The following REXO5 variants were observed in gnomAD, a reference collection of about 807,000 sequenced individuals.
The protein encoded by REXO5 is exonuclease NEF-sp.
REXO5 carries 48 observed loss-of-function variants against 88.5 expected under a neutral mutation model. The observed-to-expected ratio is 0.54, with a 90% CI of 0.43 to 0.69. The LOEUF is 0.69. REXO5 is among the 30% of genes least tolerant of loss of function. The probability of loss-of-function intolerance (pLI) is 0.00; values close to 1 mark genes in which losing one functional copy is unlikely to be tolerated. For missense variants in REXO5, 749 were observed against 912.2 expected (o/e 0.82, Z 2.30); for synonymous variants, 311 against 336.5 (o/e 0.92, Z 0.83).
rs1010007228 is a variant in REXO5, at chr16:20,806,710, C to T, written c.-3+5C>T. On this transcript the variant is annotated splice_donor_5th_base_variant and intron_variant, in intron 1 of 19. Coordinates refer to ENST00000261377, the MANE Select transcript of REXO5 (RefSeq NM_030941.3). ...TGGGGAACCGTTGAGAATCCGGTAA[C>T]CGATGCGGACGGTAAAGCCGTTTGG... The T allele has an allele frequency of 4.9e-5, 49 of 991,972 alleles. No homozygotes were observed. Among genetic ancestry groups the T allele is most frequent in the Non-Finnish European group, 6.0e-5 (42 of 696,716 alleles). 61.4% of individuals were successfully genotyped at this position (991,972 alleles called of 1,614,324 possible). A position where few individuals can be genotyped will look rare whatever the true frequency, so the allele number is the denominator to read the frequency against.
In REXO5 at chr16:20,807,099, A is replaced by T; in HGVS notation, c.138+8A>T. ...AGTCAGCCCGAGGCCAAGGTGAGCA[A>T]CGGGGATCCCGAGCAGGCGGCCCTA... On this transcript the variant is annotated splice_region_variant and intron_variant, in intron 2 of 19. Coordinates refer to ENST00000261377, the MANE Select transcript of REXO5 (RefSeq NM_030941.3). The T allele has an allele frequency of 1.3e-6, 2 of 1,599,310 alleles. No homozygotes were observed. The highest frequency in any genetic ancestry group is 1.7e-6 in the Non-Finnish European group (2 of 1,174,058).
intron 5 of REXO5, among the ~76,000 whole-genome samples, chr16:20,820,545 T>TA (rs1491420198): frequency 6.5e-4 from 8 of 12,342 alleles, no homozygotes; most frequent in African/African-American, 1.8e-3. Flanking sequence ...TATATATATA[T>TA]TTTTTTTTTT....
In REXO5 at chr16:20,845,104, A is replaced by G. The variant is rs1390411262; in HGVS notation, c.1987A>G (p.Lys663Glu). The change falls in exon 18 of 20, where the codon AAG becomes GAG. Residue 663 changes from lysine (K) to glutamate (E), a missense_variant. Coordinates refer to ENST00000261377, the MANE Select transcript of REXO5 (RefSeq NM_030941.3). ...AQQALNILTG[K>E]DWKLKGRHAL... is the part of the protein sequence containing the mutation. The stretch of plus-strand genomic sequence containing the variant: ...GCAGGCCCTCAACATTCTCACAGGC[A>G]AGGACTGGAAGCTGAAAGGCAGGCA... The G allele has an allele frequency of 6.2e-7, 1 of 1,614,122 alleles. No individual in the cohort carries two copies. Among genetic ancestry groups the G allele is most frequent in the Non-Finnish European group, 8.5e-7 (1 of 1,180,012 alleles).
At chr16:20,822,908 G>A (rs891809891) in intron 6 of REXO5, among the ~76,000 whole-genome samples, 8 of 152,188 alleles carry the variant, frequency 5.3e-5, no homozygotes, top group African/African-American at 1.9e-4. Context: ...TATATACCTA[G>A]GAGTATAATT....
chr16:20,813,391 C>A, intron 3 of REXO5, 89 bp downstream of exon 3: 1 of 762,208 alleles, frequency 1.3e-6, no homozygotes, highest in Non-Finnish European at 2.1e-6. Flanking sequence ...ATCATTCAAA[C>A]CAGAGGTTTC....
intron 5 of REXO5, among the ~76,000 whole-genome samples, chr16:20,818,682 G>C (rs946217980): frequency 3.9e-5 from 6 of 152,182 alleles, no homozygotes; most frequent in African/African-American, 1.2e-4. Flanking sequence ...GTTTGGCCAG[G>C]CTGGTATTGA....
intron 15 of REXO5, 121 bp downstream of exon 15, chr16:20,840,589 G>GTCTCACACTCC: frequency 6.2e-6 from 5 of 811,708 alleles, no homozygotes; most frequent in Non-Finnish European, 9.4e-6. Context: ...ACTGGAGTGT[G>GTCTCACACTCC]AGACATACTC....
chr16:20,849,330 A>G (rs1323996418), intron 19 of REXO5, 69 bp from the exon 20 acceptor site: 3 of 1,431,864 alleles, frequency 2.1e-6, no homozygotes, highest in South Asian at 2.3e-5. Flanking sequence ...ATCTCCTCTA[A>G]CTAGGCATTT....
rs745554533 is a variant in REXO5 at position 20,839,769 on chromosome 16, C to A, written c.1398C>A (p.Ala466=). The A allele has an allele frequency of 6.2e-7, 1 of 1,613,696 alleles. No homozygotes were observed. Among genetic ancestry groups the A allele is most frequent in the Non-Finnish European group, 8.5e-7 (1 of 1,179,692 alleles). The stretch of plus-strand genomic sequence containing the variant: ...GTTCTCTACAGGTTCTTGAGCAGGC[C>A]AGAGTGGAAATCCCCCTGTTTCCCT... ...CLSNKEVLEQ[A]RVEIPLFPFS... Residue 466 remains alanine, a synonymous_variant, in exon 14 of 20, where the codon GCC becomes GCA. Coordinates refer to ENST00000261377, the MANE Select transcript of REXO5 (RefSeq NM_030941.3).
At chr16:20,833,410 G>C (rs2081376815) in intron 13 of REXO5, among the ~76,000 whole-genome samples, 1 of 152,144 alleles carries the variant, frequency 6.6e-6, no homozygotes, top group South Asian at 2.1e-4. Context: ...TCTTGGTTTT[G>C]AGCCTGGCTA....
At chr16:20,842,945 T>C (rs187100543) in intron 15 of REXO5, among the ~76,000 whole-genome samples, 52 of 152,342 alleles carry the variant, frequency 3.4e-4, no homozygotes, top group African/African-American at 1.2e-3. Flanking sequence ...GCTATACCAT[T>C]TTACATTCCT....
At position 20,815,081 on chromosome 16, in the gene REXO5, G is replaced by A. The variant is rs749542442; in HGVS notation, c.378+28G>A. 24 of 1,594,510 alleles carry A rather than the reference G, an allele frequency of 1.5e-5. No individual in the cohort carries two copies. The South Asian group carries it at 1.9e-4, about 13-fold the overall frequency. On this transcript the variant is annotated intron_variant, in intron 4 of 19. Transcript: ENST00000261377. Reference sequence around the variant, plus strand: ...AAGTTAAGAATACTTTGTACTAGGGGCTGAGTCTGTTTTCCCATTCTGAGA... The same window carrying A: ...AAGTTAAGAATACTTTGTACTAGGGACTGAGTCTGTTTTCCCATTCTGAGA...
At chr16:20,841,190 A>C (rs1057260706) in intron 15 of REXO5, among the ~76,000 whole-genome samples, 5 of 152,212 alleles carry the variant, frequency 3.3e-5, no homozygotes, top group Non-Finnish European at 5.9e-5. Flanking sequence ...TAATACTTGC[A>C]TATGGTTTTA....
chr16:20,835,996 A>G (rs2081422945), intron 13 of REXO5, among the ~76,000 whole-genome samples: 1 of 152,124 alleles, frequency 6.6e-6, no homozygotes, highest in Non-Finnish European at 1.5e-5. Context: ...CTGACGTATG[A>G]TCGCACTACT....
In REXO5 at chr16:20,821,787, C is replaced by T. The variant is rs201991460; in HGVS notation, c.501C>T (p.Ala167=). Reference sequence around the variant, plus strand: ...GGCCTTTACCTTCTAATGCAAAAGCCGCCATCAACCTTCAGGATGATCCCA... The same window carrying T: ...GGCCTTTACCTTCTAATGCAAAAGCTGCCATCAACCTTCAGGATGATCCCA... ...MEGPLPSNAK[A]AINLQDDPII... The change falls in exon 6 of 20, where the codon GCC becomes GCT. Residue 167 remains alanine (A), a synonymous_variant. Transcript: ENST00000261377. 5.0e-5 allele frequency: 79 copies of T among 1,591,206 alleles called. No individual in the cohort carries two copies. Among genetic ancestry groups the T allele is most frequent in the Non-Finnish European group, 6.0e-5 (70 of 1,173,256 alleles).
chr16:20,818,291 G>A (rs567222704), intron 5 of REXO5, among the ~76,000 whole-genome samples: 2 of 152,054 alleles, frequency 1.3e-5, no homozygotes, highest in African/African-American at 2.4e-5. Flanking sequence ...GAGGAATTTT[G>A]TTGGTTTTGT....
At position 20,830,485 on chromosome 16, in the gene REXO5, T is replaced by C. The variant is rs8060125; in HGVS notation, c.1159-1671T>C. Among the ~76,000 whole-genome samples the C allele has an allele frequency of 2.0e-3, 301 of 152,192 alleles. 2 individuals are homozygous for C. The highest frequency in any genetic ancestry group is 6.9e-3 in the African/African-American group (287 of 41,514). ...TGCTGGGATTACAGGCATGAGTCAC[T>C]GTGCCTGGCCCAAGAGGATTTAACA... is the stretch of plus-strand genomic sequence containing the variant. On this transcript the variant is annotated intron_variant, in intron 11 of 19. Coordinates refer to ENST00000261377, the MANE Select transcript of REXO5 (RefSeq NM_030941.3).
chr16:20,813,327 G>T, intron 3 of REXO5, 25 bp downstream of exon 3: 2 of 1,249,814 alleles, frequency 1.6e-6, no homozygotes, highest in Non-Finnish European at 1.1e-6. Context: ...TAAATGGTGG[G>T]TATTGACCAG....
In REXO5 at chr16:20,839,869, T is replaced by C; in HGVS notation, c.1488+10T>C. On this transcript the variant is annotated intron_variant, in intron 14 of 19. Coordinates refer to ENST00000261377, the MANE Select transcript of REXO5 (RefSeq NM_030941.3). Reference sequence around the variant, plus strand: ...GGAGATGAACAAAAGGGTAAGTGAATGGGTTCTGCTGAATGATTTATTTAG... The same window carrying C: ...GGAGATGAACAAAAGGGTAAGTGAACGGGTTCTGCTGAATGATTTATTTAG... 3.3e-6 allele frequency: 5 copies of C among 1,510,450 alleles called. No individual in the cohort carries two copies. The highest frequency in any genetic ancestry group is 4.6e-6 in the Non-Finnish European group (5 of 1,088,770). 93.6% of individuals were successfully genotyped at this position (1,510,450 alleles called of 1,614,324 possible).
Sources: allele counts gnomAD v4.1 joint callset (sites outside exome capture counted in the v4.1 genomes callset), GRCh38; gene constraint gnomAD v4.1.1; transcripts MANE v1.5; gene names NCBI Gene and HGNC (gene_info 2026-07-23, HGNC 2026-07-21).